The following CGNL1 variants were observed in gnomAD, a reference collection of about 807,000 sequenced individuals.
CGNL1 encodes cingulin like 1.
Under a neutral mutation model 141.2 loss-of-function variants are expected in CGNL1, and 132 were observed. The observed-to-expected ratio is 0.93, with a 90% CI of 0.81 to 1.08. CGNL1 has a LOEUF of 1.08. Ranked by LOEUF, CGNL1 falls within the 50% of genes least tolerant of loss-of-function variation. The pLI, the probability that CGNL1 is intolerant of heterozygous loss-of-function variation, is 0.00. For synonymous variants in CGNL1, 690 were observed against 622.1 expected (o/e 1.11, Z -1.63); for missense variants, 1,870 against 1,588.6 (o/e 1.18, Z -3.01).
At position 57,438,665 on chromosome 15, in the gene CGNL1, G is replaced by T; in HGVS notation, c.666G>T (p.Val222=). The T allele has an allele frequency of 6.2e-7, 1 of 1,614,106 alleles. No individual in the cohort carries two copies. Among genetic ancestry groups the T allele is most frequent in the Non-Finnish European group, 8.5e-7 (1 of 1,180,034 alleles). ...CAGCTATTCGTTTATGCAGCTCCGT[G>T]GTCATAGAGGACCCCAAAAAGCAGA... is the stretch of plus-strand genomic sequence containing the variant. ...GVTAIRLCSS[V]VIEDPKKQTS... Residue 222 remains valine (V), a synonymous_variant, in exon 2 of 19, where the codon GTG becomes GTT. Transcript: ENST00000281282.
chr15:57,430,247 G>T (rs11855618), intron 1 of CGNL1, among the ~76,000 whole-genome samples: 1 of 151,994 alleles, frequency 6.6e-6, no homozygotes, highest in Non-Finnish European at 1.5e-5. Context: ...GACTTGAGCC[G>T]CATGTCAGAA....
intron 8 of CGNL1, among the ~76,000 whole-genome samples, chr15:57,501,963 G>A (rs1161563897): frequency 1.3e-5 from 2 of 152,152 alleles, no homozygotes; most frequent in Non-Finnish European, 2.9e-5. Context: ...CAAGCCCCAG[G>A]TTTTATCTCT....
In CGNL1 at chr15:57,536,226, C is replaced by T. The variant is rs145812268; in HGVS notation, c.3291+4447C>T. On this transcript the variant is annotated intron_variant, in intron 14 of 18. Coordinates refer to ENST00000281282, the MANE Select transcript of CGNL1 (RefSeq NM_032866.5). Reference sequence around the variant, plus strand: ...TGAGAACAGCACAGGAAAAACCTACCCCCGTGATTCAGTTACCTCCCACTG... The same window carrying T: ...TGAGAACAGCACAGGAAAAACCTACTCCCGTGATTCAGTTACCTCCCACTG... Among the ~76,000 whole-genome samples, 430 of 152,072 alleles carry T rather than the reference C, an allele frequency of 2.8e-3. 6 individuals carry two copies. The highest frequency in any genetic ancestry group is 9.4e-3 in the African/African-American group (390 of 41,534).
chr15:57,397,796 T>TC (rs1426189680), intron 1 of CGNL1, among the ~76,000 whole-genome samples: 5 of 151,264 alleles, frequency 3.3e-5, no homozygotes, highest in Non-Finnish European at 5.9e-5. Context: ...CTTTTTTTTT[T>TC]TTTGGAGATG....
chr15:57,430,169 T>C (rs949331457), intron 1 of CGNL1, among the ~76,000 whole-genome samples: 3 of 152,350 alleles, frequency 2.0e-5, no homozygotes, highest in South Asian at 2.1e-4. Flanking sequence ...TATGAAGTCA[T>C]CACTGACAGT....
chr15:57,399,736 G>C (rs2062638838), intron 1 of CGNL1, among the ~76,000 whole-genome samples: 1 of 152,058 alleles, frequency 6.6e-6, no homozygotes, highest in Non-Finnish European at 1.5e-5. Flanking sequence ...GAGTGCAGGG[G>C]CTCATGCCTG....
At chr15:57,488,310 A>G (rs1426897706) in intron 8 of CGNL1, among the ~76,000 whole-genome samples, 2 of 152,128 alleles carry the variant, frequency 1.3e-5, no homozygotes, top group Non-Finnish European at 2.9e-5. Context: ...CTCTTAGTAC[A>G]TATTTAATTT....
At chr15:57,502,407 A>G (rs1238817888) in intron 8 of CGNL1, among the ~76,000 whole-genome samples, 1 of 152,148 alleles carries the variant, frequency 6.6e-6, no homozygotes, top group Non-Finnish European at 1.5e-5. Flanking sequence ...CTTATCTTCC[A>G]CAGATATGGG....
At chr15:57,539,979 C>T (rs1297741915) in intron 14 of CGNL1, among the ~76,000 whole-genome samples, 2 of 152,196 alleles carry the variant, frequency 1.3e-5, no homozygotes, top group Non-Finnish European at 2.9e-5. Context: ...GCAGGACTTG[C>T]TTTCCTAAGC....
rs2031165833 is a variant in CGNL1 at position 57,520,333 on chromosome 15, A to G, written c.2715+1836A>G. Among the ~76,000 whole-genome samples, 3 of 152,172 alleles carry G rather than the reference A, an allele frequency of 2.0e-5. No individual in the cohort carries two copies. In the South Asian group the frequency reaches 6.2e-4, roughly 32 times the overall value. Reference sequence around the variant, plus strand: ...GCACCTCTCGTCCTTGAAGCTGACAACTCAAAGGGACCTTAGTCCTTGAGG... The same window carrying G: ...GCACCTCTCGTCCTTGAAGCTGACAGCTCAAAGGGACCTTAGTCCTTGAGG... On this transcript the variant is annotated intron_variant, in intron 10 of 18. Coordinates refer to ENST00000281282, the MANE Select transcript of CGNL1 (RefSeq NM_032866.5).
At chr15:57,409,768 T>C (rs2062765232) in intron 1 of CGNL1, among the ~76,000 whole-genome samples, 1 of 152,126 alleles carries the variant, frequency 6.6e-6, no homozygotes, top group South Asian at 2.1e-4. Flanking sequence ...ATTTAGAAGC[T>C]GCTAAAACAA....
At chr15:57,500,660 A>AG (rs2064011653) in intron 8 of CGNL1, among the ~76,000 whole-genome samples, 1 of 151,046 alleles carries the variant, frequency 6.6e-6, no homozygotes, top group Non-Finnish European at 1.5e-5. Flanking sequence ...CTTTGGGAAA[A>AG]AAAAGCGTGG....
intron 1 of CGNL1, among the ~76,000 whole-genome samples, chr15:57,426,587 C>T (rs1426836810): frequency 2.0e-5 from 3 of 149,680 alleles, no homozygotes; most frequent in African/African-American, 7.4e-5. Flanking sequence ...GCTGAGACTA[C>T]AGGCATGTGT....
chr15:57,386,253 G>T (rs1383249760), intron 1 of CGNL1, among the ~76,000 whole-genome samples: 1 of 152,212 alleles, frequency 6.6e-6, no homozygotes, highest in Non-Finnish European at 1.5e-5. Context: ...TGGGGCCTGT[G>T]CTGCTACAGG....
At chr15:57,518,193 C>G (rs4625664) in intron 9 of CGNL1, among the ~76,000 whole-genome samples, 200 bp from the exon 10 acceptor site, 65,794 of 151,896 alleles carry the variant, frequency 0.43, 15,210 homozygotes, top group East Asian at 0.71. Flanking sequence ...TTCACACCTG[C>G]CTGAGAACTG....
intron 8 of CGNL1, among the ~76,000 whole-genome samples, chr15:57,478,723 C>T (rs575735019): frequency 5.9e-5 from 9 of 152,282 alleles, no homozygotes; most frequent in Admixed American, 2.0e-4. Context: ...GCTGCTGCCT[C>T]GACCTCCCAG....
chr15:57,525,993 A>C (rs2031587678), intron 12 of CGNL1, among the ~76,000 whole-genome samples: 1 of 152,196 alleles, frequency 6.6e-6, no homozygotes, highest in Non-Finnish European at 1.5e-5. Flanking sequence ...TCAGAAGATC[A>C]CAGTGTCACA....
At chr15:57,517,156 G>A (rs2030879173) in intron 9 of CGNL1, among the ~76,000 whole-genome samples, 170 bp downstream of exon 9, 1 of 152,162 alleles carries the variant, frequency 6.6e-6, no homozygotes, top group Non-Finnish European at 1.5e-5. Context: ...CCTGGGAGTG[G>A]CATGACAGGG....
rs1476725426 is a variant in CGNL1, at chr15:57,545,607, T to A, written c.3516T>A (p.Leu1172=). Residue 1172 remains leucine (L), a synonymous_variant, in exon 17 of 19, where the codon CTT becomes CTA. Coordinates refer to ENST00000281282, the MANE Select transcript of CGNL1 (RefSeq NM_032866.5). The part of the protein sequence containing the change: ...LESEERDRAN[L]QLSNRRLERK... Reference sequence around the variant, plus strand: ...CCTCTTCCAGGGATCGGGCCAATCTTCAGCTCAGCAACCGGCGGCTGGAGC... The same window carrying A: ...CCTCTTCCAGGGATCGGGCCAATCTACAGCTCAGCAACCGGCGGCTGGAGC... The A allele has an allele frequency of 6.2e-7, 1 of 1,613,326 alleles. No homozygotes were observed. Among genetic ancestry groups the A allele is most frequent in the East Asian group, 2.2e-5 (1 of 44,902 alleles).
Sources: gnomAD v4.1 joint callset for allele counts (sites outside exome capture counted in the v4.1 genomes callset) on GRCh38, gnomAD v4.1.1 for gene constraint, MANE v1.5 for transcripts, NCBI Gene and HGNC (gene_info 2026-07-23, HGNC 2026-07-21) for gene names.